The following GABBR2 variants were observed in gnomAD, a reference collection of about 807,000 sequenced individuals.
GABBR2 encodes G-protein coupled receptor 51.
In GABBR2, 23 loss-of-function variants were observed where a neutral mutation model predicts 105.6. The ratio of observed to expected loss-of-function variants is 0.22; its 90% confidence interval spans 0.16 to 0.31. GABBR2 has a LOEUF of 0.31. Among genes scored for constraint, GABBR2 ranks in the 10% least tolerant of loss-of-function variants. The pLI, the probability that GABBR2 is intolerant of heterozygous loss-of-function variation, is 1.00. For synonymous variants in GABBR2, 478 were observed against 499.7 expected, an observed-to-expected ratio of 0.96 and a Z score of 0.58; for missense variants, 734 against 1,245.5, an observed-to-expected ratio of 0.59 and a Z score of 6.18.
At chr9:98,417,013 C>A (rs1832700163) in intron 7 of GABBR2, among the ~76,000 whole-genome samples, 1 of 152,146 alleles carries the variant, frequency 6.6e-6, no homozygotes, top group African/African-American at 2.4e-5. Context: ...TCCTCTTTGG[C>A]AACGGCAATG....
intron 13 of GABBR2, among the ~76,000 whole-genome samples, chr9:98,355,405 A>G (rs773846403): frequency 2.0e-5 from 3 of 151,760 alleles, no homozygotes; most frequent in Non-Finnish European, 4.4e-5. Flanking sequence ...GCAAAGTGCA[A>G]TAAAGTGAGG....
At chr9:98,409,962 C>T (rs995907785) in intron 7 of GABBR2, among the ~76,000 whole-genome samples, 2 of 152,174 alleles carry the variant, frequency 1.3e-5, no homozygotes, top group African/African-American at 2.4e-5. Context: ...GTCGCTGGGG[C>T]TGGCTCTTTC....
At chr9:98,365,315 A>G (rs906614414) in intron 12 of GABBR2, among the ~76,000 whole-genome samples, 1 of 152,210 alleles carries the variant, frequency 6.6e-6, no homozygotes, top group Non-Finnish European at 1.5e-5. Flanking sequence ...ATGATCAACA[A>G]ATGGCAGCTG....
intron 3 of GABBR2, among the ~76,000 whole-genome samples, chr9:98,532,109 T>G (rs10115107): frequency 0.15 from 22,140 of 152,198 alleles, 2,475 homozygotes; most frequent in African/African-American, 0.31. Context: ...TTTTTCCTAG[T>G]GTATAATAAC....
At chr9:98,350,215 C>G (rs1185750979) in intron 13 of GABBR2, among the ~76,000 whole-genome samples, 1 of 147,206 alleles carries the variant, frequency 6.8e-6, no homozygotes, top group Non-Finnish European at 1.5e-5. Context: ...TTTCTTCATC[C>G]TTTGTATTTT....
chr9:98,445,887 C>T (rs571227011), intron 7 of GABBR2, among the ~76,000 whole-genome samples: 81 of 152,340 alleles, frequency 5.3e-4, no homozygotes, highest in Admixed American at 1.6e-3. Flanking sequence ...GCATCTGCTG[C>T]AATTAGCTTT....
chr9:98,428,399 C>A (rs556611595), intron 7 of GABBR2, among the ~76,000 whole-genome samples: 1 of 152,308 alleles, frequency 6.6e-6, no homozygotes, highest in East Asian at 1.9e-4. Flanking sequence ...AAGGCTGCAC[C>A]TGACCAATCT....
At chr9:98,594,701 G>A (rs1829206279) in intron 1 of GABBR2, among the ~76,000 whole-genome samples, 1 of 152,232 alleles carries the variant, frequency 6.6e-6, no homozygotes, top group Non-Finnish European at 1.5e-5. Context: ...GTGCAGACCT[G>A]CACAGGGCAG....
At chr9:98,398,475 T>G (rs1169134162) in intron 8 of GABBR2, among the ~76,000 whole-genome samples, 1 of 152,082 alleles carries the variant, frequency 6.6e-6, no homozygotes, top group Non-Finnish European at 1.5e-5. Context: ...ATGGGAGATC[T>G]CTGTAGCCCC....
intron 13 of GABBR2, among the ~76,000 whole-genome samples, chr9:98,357,927 A>T (rs962361961): frequency 5.3e-5 from 8 of 152,000 alleles, no homozygotes; most frequent in Non-Finnish European, 1.2e-4. Context: ...CAGTTTCTCC[A>T]GTGTTTGAAC....
chr9:98,568,052 C>T (rs992507914), intron 2 of GABBR2, among the ~76,000 whole-genome samples: 1 of 152,160 alleles, frequency 6.6e-6, no homozygotes, highest in Non-Finnish European at 1.5e-5. Context: ...AACCTCTCTT[C>T]CCCTGAAGAT....
intron 6 of GABBR2, among the ~76,000 whole-genome samples, chr9:98,462,126 CT>C (rs1434980286): frequency 3.9e-5 from 6 of 152,226 alleles, no homozygotes; most frequent in Non-Finnish European, 8.8e-5. Flanking sequence ...CCAAATACTG[CT>C]TCTGCCTAGT....
At chr9:98,641,809 T>G (rs548105662) in intron 1 of GABBR2, among the ~76,000 whole-genome samples, 1 of 152,144 alleles carries the variant, frequency 6.6e-6, no homozygotes, top group Admixed American at 6.5e-5. Context: ...ATCTCTGGCA[T>G]CCAGCAGGGC....
chr9:98,481,046 C>G, intron 4 of GABBR2, 49 bp from the exon 5 acceptor site: 2 of 1,129,230 alleles, frequency 1.8e-6, no homozygotes, highest in Non-Finnish European at 2.7e-6. Flanking sequence ...TTCAGCACCC[C>G]ATAAAGGGTT....
chr9:98,673,113 T>C (rs1830425723), intron 1 of GABBR2, among the ~76,000 whole-genome samples: 1 of 152,144 alleles, frequency 6.6e-6, no homozygotes, highest in African/African-American at 2.4e-5. Context: ...ACGGAGATGG[T>C]GACAATGTCC....
chr9:98,464,015 C>A lies in GABBR2; in HGVS notation c.999+9131G>T, dbSNP rs963602069. On this transcript the variant is annotated intron_variant, in intron 6 of 18. Coordinates refer to ENST00000259455, the MANE Select transcript of GABBR2 (RefSeq NM_005458.8). ...CCACCTCCCAGCCACCTGCCTTGGC[C>A]TCCCAAAGTGCTAAGATTACAGCCT... 2.8e-4 allele frequency among the ~76,000 whole-genome samples: 43 copies of A among 152,264 alleles called. 1 individual carries two copies. Among genetic ancestry groups the A allele is most frequent in the Admixed American group, 2.6e-3 (40 of 15,294 alleles).
intron 1 of GABBR2, among the ~76,000 whole-genome samples, chr9:98,596,875 T>C (rs1033209371): frequency 2.6e-5 from 4 of 151,874 alleles, no homozygotes; most frequent in African/African-American, 7.3e-5. Flanking sequence ...GCATCCCTAC[T>C]CCCAATATGC....
intron 13 of GABBR2, among the ~76,000 whole-genome samples, chr9:98,358,170 C>T (rs1831520615): frequency 1.3e-5 from 2 of 152,332 alleles, no homozygotes; most frequent in South Asian, 4.1e-4. Context: ...CTGCTGTGAA[C>T]ACCCAGGCTT....
chr9:98,545,152 CAATT>C (rs1828375984), intron 2 of GABBR2, among the ~76,000 whole-genome samples: 1 of 152,202 alleles, frequency 6.6e-6, no homozygotes, highest in African/African-American at 2.4e-5. Context: ...TCCAGGTCCA[CAATT>C]AATTGTTGCT....
Sources: gnomAD v4.1 joint callset for allele counts (sites outside exome capture counted in the v4.1 genomes callset) on GRCh38, gnomAD v4.1.1 for gene constraint, MANE v1.5 for transcripts, NCBI Gene and HGNC (gene_info 2026-07-23, HGNC 2026-07-21) for gene names.